GRID2: variants seen among roughly 807,000 people sequenced by gnomAD.
GRID2 encodes glutamate receptor ionotropic, delta-2.
GRID2 carries 33 observed loss-of-function variants against 114.8 expected under a neutral mutation model. The observed-to-expected ratio is 0.29, with a 90% CI of 0.22 to 0.38. The LOEUF is 0.38. Among genes scored for constraint, GRID2 ranks in the 10% least tolerant of loss-of-function variants. The probability of loss-of-function intolerance (pLI) is 1.00; values close to 1 mark genes in which losing one functional copy is unlikely to be tolerated. For synonymous variants in GRID2, 505 were observed against 449.9 expected (o/e 1.12, Z -1.55); for missense variants, 1,184 against 1,257.7 (o/e 0.94, Z 0.89).
chr4:92,922,621 C>T (rs920704611), intron 2 of GRID2, among the ~76,000 whole-genome samples: 1 of 152,154 alleles, frequency 6.6e-6, no homozygotes, highest in Admixed American at 6.6e-5. Context: ...AAGAAACTCA[C>T]TATGTAATAG....
At chr4:93,208,483 C>G (rs920293005) in intron 5 of GRID2, among the ~76,000 whole-genome samples, 1 of 151,922 alleles carries the variant, frequency 6.6e-6, no homozygotes, top group Admixed American at 6.6e-5. Flanking sequence ...ATGATCATAT[C>G]ACGTTAAAAT....
At chr4:92,897,755 T>C in intron 2 of GRID2, among the ~76,000 whole-genome samples, 1 of 152,134 alleles carries the variant, frequency 6.6e-6, no homozygotes, top group East Asian at 1.9e-4. Context: ...GGAAATGAAA[T>C]GAAACCTCAT....
chr4:93,419,074 CTTT>C (rs58832079), intron 9 of GRID2, among the ~76,000 whole-genome samples: 3 of 109,530 alleles, frequency 2.7e-5, no homozygotes, highest in African/African-American at 4.2e-5. Context: ...CATGATTTTC[CTTT>C]TTTTTTTTTT....
chr4:92,869,498 GCAGAGATCTTAGCCCAT>G (rs1745121668), intron 2 of GRID2, among the ~76,000 whole-genome samples: 1 of 152,122 alleles, frequency 6.6e-6, no homozygotes, highest in Non-Finnish European at 1.5e-5. Context: ...TTTGAAACAG[GCAGAGATCTTAGCCCAT>G]CTTTGTGTCC....
intron 7 of GRID2, among the ~76,000 whole-genome samples, chr4:93,234,853 A>T (rs1427100591): frequency 6.6e-6 from 1 of 152,070 alleles, no homozygotes; most frequent in African/African-American, 2.4e-5. Flanking sequence ...TTATATTAAC[A>T]GATTATCCTT....
intron 1 of GRID2, among the ~76,000 whole-genome samples, chr4:92,490,201 T>G (rs1723086245): frequency 6.6e-6 from 1 of 152,154 alleles, no homozygotes; most frequent in East Asian, 1.9e-4. Flanking sequence ...ATTAATAAGA[T>G]AGCAAATATA....
intron 3 of GRID2, among the ~76,000 whole-genome samples, chr4:93,101,557 T>C (rs1406154501): frequency 6.6e-6 from 1 of 152,066 alleles, no homozygotes; most frequent in Non-Finnish European, 1.5e-5. Context: ...TATTTCTGAT[T>C]AAAAGCCTTT....
At chr4:93,015,152 A>T (rs1280768511) in intron 2 of GRID2, among the ~76,000 whole-genome samples, 2 of 152,152 alleles carry the variant, frequency 1.3e-5, no homozygotes, top group Non-Finnish European at 2.9e-5. Flanking sequence ...TTGGTGCTTC[A>T]TTCTGAAAAA....
chr4:93,207,529 G>A (rs981277454), intron 5 of GRID2, 72 bp downstream of exon 5: 4 of 947,024 alleles, frequency 4.2e-6, no homozygotes, highest in African/African-American at 3.4e-5. Context: ...ATTTCCAATG[G>A]CCTTGAATTT....
At chr4:92,571,287 G>A (rs192122311) in intron 1 of GRID2, among the ~76,000 whole-genome samples, 100 of 152,040 alleles carry the variant, frequency 6.6e-4, no homozygotes, top group African/African-American at 2.2e-3. Context: ...AGACAAAGAA[G>A]GCCATTACAT....
intron 2 of GRID2, among the ~76,000 whole-genome samples, chr4:92,634,315 C>T (rs1415164126): frequency 6.6e-6 from 1 of 152,082 alleles, no homozygotes; most frequent in Non-Finnish European, 1.5e-5. Context: ...AGGTGATGTA[C>T]AACAGAATCA....
At chr4:93,037,098 T>G (rs1457861681) in intron 2 of GRID2, among the ~76,000 whole-genome samples, 1 of 152,140 alleles carries the variant, frequency 6.6e-6, no homozygotes, top group Non-Finnish European at 1.5e-5. Context: ...TCAAATTGTT[T>G]TTATTTTACT....
intron 14 of GRID2, among the ~76,000 whole-genome samples, chr4:93,717,931 A>T (rs370727430): frequency 6.6e-6 from 1 of 152,154 alleles, no homozygotes; most frequent in Non-Finnish European, 1.5e-5. Context: ...AGTGAGTGTA[A>T]TACAGGAAAG....
rs549685451 is a variant in GRID2, at chr4:92,366,609, G to T, written c.88+61865G>T. On this transcript the variant is annotated intron_variant, in intron 1 of 15. Coordinates refer to ENST00000282020, the MANE Select transcript of GRID2 (RefSeq NM_001510.4). ...AATGTTTTGGCATTATTATTATCTA[G>T]AATTACATCAAAATTTACTTTATAA... Among the ~76,000 whole-genome samples the T allele has an allele frequency of 2.0e-5, 3 of 151,888 alleles. No individual in the cohort carries two copies. The East Asian group carries it at 5.8e-4, about 29-fold the overall frequency.
At chr4:93,431,711 G>T (rs912984263) in intron 10 of GRID2, among the ~76,000 whole-genome samples, 6 of 152,112 alleles carry the variant, frequency 3.9e-5, no homozygotes, top group African/African-American at 1.4e-4. Flanking sequence ...AATTGGAAGG[G>T]TCATTGGTTT....
At chr4:93,469,369 A>T (rs1323033037) in intron 11 of GRID2, among the ~76,000 whole-genome samples, 1 of 152,034 alleles carries the variant, frequency 6.6e-6, no homozygotes, top group African/African-American at 2.4e-5. Context: ...TCTACTAATA[A>T]TGCCTTTCAG....
In GRID2 at chr4:92,936,441, G is replaced by A. The variant is rs1046630426; in HGVS notation, c.245-148554G>A. Among the ~76,000 whole-genome samples, 2 of 146,420 alleles carry A rather than the reference G, an allele frequency of 1.4e-5. 1 individual carries two copies. Among genetic ancestry groups the A allele is most frequent in the Non-Finnish European group, 3.0e-5 (2 of 66,212 alleles). On this transcript the variant is annotated intron_variant, in intron 2 of 15. Coordinates refer to ENST00000282020, the MANE Select transcript of GRID2 (RefSeq NM_001510.4). ...GTCTGTTTTATTTAAATAATTTTCT[G>A]TGGTTTTCAACATGATTTAATAAAA...
At chr4:93,137,637 T>G (rs1350615223) in intron 4 of GRID2, among the ~76,000 whole-genome samples, 1 of 152,174 alleles carries the variant, frequency 6.6e-6, no homozygotes, top group African/African-American at 2.4e-5. Context: ...ACATGCAATT[T>G]AGGCTATCTT....
At chr4:92,595,992 T>A (rs532502763) in intron 2 of GRID2, among the ~76,000 whole-genome samples, 1 of 152,260 alleles carries the variant, frequency 6.6e-6, no homozygotes, top group Admixed American at 6.5e-5. Flanking sequence ...ATATGACATT[T>A]TTACTGTGAT....
Sources: allele counts gnomAD v4.1 joint callset (sites outside exome capture counted in the v4.1 genomes callset), GRCh38; gene constraint gnomAD v4.1.1; transcripts MANE v1.5; gene names NCBI Gene and HGNC (gene_info 2026-07-23, HGNC 2026-07-21).